Variants in SEMA6D observed in about 807,000 individuals in gnomAD.
The protein encoded by SEMA6D is semaphorin 6D.
In SEMA6D, 35 loss-of-function variants were observed where a neutral mutation model predicts 106.6. That is an observed-to-expected ratio of 0.33 (90% CI 0.25 to 0.44). SEMA6D has a LOEUF of 0.44. Among genes scored for constraint, SEMA6D ranks in the 20% least tolerant of loss-of-function variants. The pLI, the probability that SEMA6D is intolerant of heterozygous loss-of-function variation, is 1.00. For synonymous variants in SEMA6D, 499 were observed against 487.7 expected, an observed-to-expected ratio of 1.02 and a Z score of -0.31; for missense variants, 1,185 against 1,345.9, an observed-to-expected ratio of 0.88 and a Z score of 1.87.
At chr15:47,260,496 G>A (rs2034019708) in intron 1 of SEMA6D, among the ~76,000 whole-genome samples, 1 of 152,110 alleles carries the variant, frequency 6.6e-6, no homozygotes, top group Admixed American at 6.5e-5. Context: ...ACTGCCTGAG[G>A]TGGTAGAAGT....
chr15:47,471,837 G>A (rs2042847589), intron 3 of SEMA6D, among the ~76,000 whole-genome samples: 1 of 151,872 alleles, frequency 6.6e-6, no homozygotes, highest in Admixed American at 6.6e-5. Context: ...TGTGTGTCAG[G>A]AGAATGGAAG....
chr15:47,528,025 A>G (rs2044821550), intron 3 of SEMA6D, among the ~76,000 whole-genome samples: 1 of 152,224 alleles, frequency 6.6e-6, no homozygotes, highest in African/African-American at 2.4e-5. Flanking sequence ...ATTTCCATCC[A>G]GACATGGGGT....
intron 1 of SEMA6D, among the ~76,000 whole-genome samples, chr15:47,240,440 A>C (rs2032833481): frequency 6.6e-6 from 1 of 152,184 alleles, no homozygotes; most frequent in South Asian, 2.1e-4. Context: ...CACTTAATAC[A>C]ATACCTCTGG....
chr15:47,407,394 C>CAAAAAAA (rs1567058099), intron 1 of SEMA6D, among the ~76,000 whole-genome samples: 4 of 83,558 alleles, frequency 4.8e-5, no homozygotes, highest in Admixed American at 3.9e-4. Flanking sequence ...AAAACCAAAA[C>CAAAAAAA]AACAACAACA....
In SEMA6D at chr15:47,721,443, C is replaced by A. The variant is rs547872122; in HGVS notation, c.-55+3751C>A. ...TACCAAAGCTAGTGTCTTGGGTTGC[C>A]GCTGATTTTGTGAACAGCTGCCAAC... On this transcript the variant is annotated intron_variant, in intron 1 of 18. Transcript: ENST00000536845. Among the ~76,000 whole-genome samples the A allele has an allele frequency of 2.6e-5, 4 of 152,158 alleles. No individual in the cohort carries two copies. The South Asian group carries it at 8.3e-4, about 32-fold the overall frequency.
At chr15:47,619,623 G>T (rs1566939424) in intron 4 of SEMA6D, among the ~76,000 whole-genome samples, 2 of 152,184 alleles carry the variant, frequency 1.3e-5, no homozygotes, top group Non-Finnish European at 2.9e-5. Flanking sequence ...TAGACCATAT[G>T]AATCAGCATC....
chr15:47,313,034 C>A lies in SEMA6D; in HGVS notation c.-238-99359C>A, dbSNP rs1215181284. 5.3e-5 allele frequency among the ~76,000 whole-genome samples: 8 copies of A among 151,976 alleles called. No individual in the cohort carries two copies. The South Asian group carries it at 1.7e-3, about 32-fold the overall frequency. The stretch of plus-strand genomic sequence containing the variant: ...GGAAATACAGAGATTTCCCATGTAC[C>A]CCCAGCCCCACACATGCATAGCCTC... On this transcript the variant is annotated intron_variant, in intron 1 of 19. Coordinates refer to the SEMA6D transcript ENST00000558014.
chr15:47,600,572 A>C (rs2076630443), intron 3 of SEMA6D, among the ~76,000 whole-genome samples: 1 of 152,180 alleles, frequency 6.6e-6, no homozygotes, highest in Non-Finnish European at 1.5e-5. Flanking sequence ...TTTCACATGC[A>C]CAGTGTCTAG....
At chr15:47,488,047 GAT>G (rs897866397) in intron 3 of SEMA6D, among the ~76,000 whole-genome samples, 1 of 152,002 alleles carries the variant, frequency 6.6e-6, no homozygotes, top group African/African-American at 2.4e-5. Flanking sequence ...CTAAATCTCT[GAT>G]ATACATGCAC....
At chr15:47,667,549 A>G (rs1007392178) in intron 4 of SEMA6D, among the ~76,000 whole-genome samples, 2 of 152,202 alleles carry the variant, frequency 1.3e-5, no homozygotes, top group African/African-American at 4.8e-5. Flanking sequence ...CTAACAAAAT[A>G]CCATGAACTG....
chr15:47,483,204 A>T (rs563164833), intron 3 of SEMA6D, among the ~76,000 whole-genome samples: 174 of 152,074 alleles, frequency 1.1e-3, no homozygotes, highest in African/African-American at 4.0e-3. Flanking sequence ...TTGCTGGAAA[A>T]CCTCATACAA....
At chr15:47,423,952 C>A (rs1595960431) in intron 2 of SEMA6D, among the ~76,000 whole-genome samples, 2 of 152,018 alleles carry the variant, frequency 1.3e-5, no homozygotes, top group African/African-American at 4.8e-5. Context: ...TTTGTTTGTC[C>A]ATAATTGACA....
chr15:47,350,029 G>A (rs1434115599), intron 1 of SEMA6D, among the ~76,000 whole-genome samples: 2 of 152,124 alleles, frequency 1.3e-5, no homozygotes, highest in Non-Finnish European at 2.9e-5. Context: ...TAATACAAGA[G>A]TATTTCATTT....
chr15:47,742,093 G>A (rs184736127), intron 1 of SEMA6D, among the ~76,000 whole-genome samples: 1 of 152,290 alleles, frequency 6.6e-6, no homozygotes, highest in African/African-American at 2.4e-5. Flanking sequence ...CAGCTGAGCT[G>A]GCCACTCGCA....
At position 47,227,438 on chromosome 15, in the gene SEMA6D, T is replaced by TTTCTTTC. The variant is rs374904188; in HGVS notation, c.-239+43022_-239+43023insCTTTCTT. On this transcript the variant is annotated intron_variant, in intron 1 of 19. Transcript: ENST00000558014. ...TTCTTTCTCTTTCTTTCTTTCTTTC[T>TTTCTTTC]TTTCTTTCTTTTCTTTCTTTTCTTT... Among the ~76,000 whole-genome samples the TTTCTTTC allele has an allele frequency of 3.5e-3, 269 of 77,666 alleles. 2 individuals are homozygous for TTTCTTTC. Among genetic ancestry groups the TTTCTTTC allele is most frequent in the South Asian group, 0.014 (27 of 1,888 alleles). The allele number at this position is 77,666 out of a possible 152,430, so 51.0% of individuals were successfully genotyped here. A position where few individuals can be genotyped will look rare whatever the true frequency, so the allele number is the denominator to read the frequency against.
intron 3 of SEMA6D, among the ~76,000 whole-genome samples, chr15:47,517,222 A>G (rs936150243): frequency 6.6e-6 from 1 of 152,000 alleles, no homozygotes. Flanking sequence ...TGGCTGCCTG[A>G]TTTTTCCATT....
At chr15:47,250,774 G>A (rs1054681648) in intron 1 of SEMA6D, among the ~76,000 whole-genome samples, 8 of 152,360 alleles carry the variant, frequency 5.3e-5, no homozygotes, top group South Asian at 2.1e-4. Flanking sequence ...AGGTCACTGC[G>A]TATGGCTCTC....
At chr15:47,672,523 T>C (rs1034257002) in intron 4 of SEMA6D, among the ~76,000 whole-genome samples, 2 of 152,208 alleles carry the variant, frequency 1.3e-5, no homozygotes, top group Admixed American at 1.3e-4. Context: ...AAGAAAAATA[T>C]TATATATGCC....
chr15:47,728,236 TACTC>T (rs2079889270), intron 1 of SEMA6D, among the ~76,000 whole-genome samples: 1 of 152,194 alleles, frequency 6.6e-6, no homozygotes, highest in Non-Finnish European at 1.5e-5. Context: ...GTGGATCCCT[TACTC>T]ACCCTGCACG....
Sources: allele counts gnomAD v4.1 joint callset (sites outside exome capture counted in the v4.1 genomes callset), GRCh38; gene constraint gnomAD v4.1.1; transcripts MANE v1.5; gene names NCBI Gene and HGNC (gene_info 2026-07-23, HGNC 2026-07-21).